The following SPMIP2 variants were observed in gnomAD, a reference collection of about 807,000 sequenced individuals.
SPMIP2 encodes sperm microtubule inner protein 2.
chr4:159,014,574 A>T, the SPMIP2 span, among the ~76,000 whole-genome samples: 2 of 152,188 alleles, frequency 1.3e-5, no homozygotes, highest in Non-Finnish European at 2.9e-5. Context: ...GGTTAGTTAC[A>T]TATGTATACA....
the SPMIP2 span, among the ~76,000 whole-genome samples, chr4:159,042,505 G>A: frequency 6.6e-6 from 1 of 152,200 alleles, no homozygotes; most frequent in Non-Finnish European, 1.5e-5. Context: ...TCAACGAGAA[G>A]GGAAACAAGT....
chr4:158,996,950 G>C, the SPMIP2 span, among the ~76,000 whole-genome samples: 2 of 152,270 alleles, frequency 1.3e-5, no homozygotes, highest in East Asian at 3.9e-4. Context: ...AGTCATGTGA[G>C]GTCAGGGTAG....
At chr4:159,000,133 G>C in the SPMIP2 span, among the ~76,000 whole-genome samples, 2 of 151,952 alleles carry the variant, frequency 1.3e-5, no homozygotes, top group Non-Finnish European at 2.9e-5. Flanking sequence ...ACATGAACAG[G>C]GTTGTCAGAT....
At chr4:159,019,290 C>T in the SPMIP2 span, among the ~76,000 whole-genome samples, 1 of 65,874 alleles carries the variant, frequency 1.5e-5, no homozygotes, top group Non-Finnish European at 2.8e-5. Flanking sequence ...TTTTGAGACT[C>T]CGTCTCAAAA....
the SPMIP2 span, chr4:159,064,334 A>G: frequency 1.3e-5 from 2 of 152,212 alleles, no homozygotes; most frequent in African/African-American, 2.4e-5. Context: ...AAGAGGAGAA[A>G]GAGTAGAACA....
chr4:158,962,740 C>T, the SPMIP2 span, among the ~76,000 whole-genome samples: 30 of 152,078 alleles, frequency 2.0e-4, no homozygotes, highest in Non-Finnish European at 2.8e-4. Flanking sequence ...ACATAAAGGC[C>T]TTTGCATGAA....
chr4:158,971,447 G>T, the SPMIP2 span, among the ~76,000 whole-genome samples: 1 of 152,152 alleles, frequency 6.6e-6, no homozygotes, highest in Admixed American at 6.5e-5. Flanking sequence ...GGAATATGCT[G>T]TAAGAGACGT....
chr4:158,937,069 C>T, the SPMIP2 span, among the ~76,000 whole-genome samples: 4 of 152,186 alleles, frequency 2.6e-5, no homozygotes, highest in East Asian at 3.8e-4. Context: ...CCGTTTTAGA[C>T]GTATCATCAT....
chr4:158,953,303 G>T, the SPMIP2 span, among the ~76,000 whole-genome samples: 1 of 152,214 alleles, frequency 6.6e-6, no homozygotes. Flanking sequence ...ATGGCTGAAA[G>T]GGGCCAACAT....
chr4:158,920,837 G>A, the SPMIP2 span, among the ~76,000 whole-genome samples: 1 of 152,216 alleles, frequency 6.6e-6, no homozygotes, highest in African/African-American at 2.4e-5. Flanking sequence ...TCTTTGTTCT[G>A]CTTTTTGCCC....
the SPMIP2 span, among the ~76,000 whole-genome samples, chr4:158,966,684 G>T: frequency 3.3e-5 from 5 of 152,154 alleles, no homozygotes; most frequent in Admixed American, 3.3e-4. Context: ...ACATACTCCA[G>T]ATATTGTGTC....
the SPMIP2 span, among the ~76,000 whole-genome samples, chr4:159,016,171 T>C: frequency 6.6e-6 from 1 of 152,238 alleles, no homozygotes; most frequent in African/African-American, 2.4e-5. Context: ...ATCTGTTAAA[T>C]TTTCCTGTTC....
At chr4:158,968,804 A>G in the SPMIP2 span, among the ~76,000 whole-genome samples, 1 of 152,218 alleles carries the variant, frequency 6.6e-6, no homozygotes, top group Non-Finnish European at 1.5e-5. Context: ...CCAATCTTAT[A>G]TCAGTTTATT....
chr4:159,034,479 C>CT, the SPMIP2 span, among the ~76,000 whole-genome samples: 1 of 152,184 alleles, frequency 6.6e-6, no homozygotes, highest in African/African-American at 2.4e-5. Flanking sequence ...TTCAAATATT[C>CT]CTTTGTGAAA....
chr4:158,987,835 A>C, the SPMIP2 span, among the ~76,000 whole-genome samples: 1 of 152,190 alleles, frequency 6.6e-6, no homozygotes, highest in Admixed American at 6.5e-5. Flanking sequence ...AATTAAAAGA[A>C]TTAGAGAAGC....
At chr4:158,956,489 G>C in the SPMIP2 span, among the ~76,000 whole-genome samples, 1 of 152,210 alleles carries the variant, frequency 6.6e-6, no homozygotes, top group Non-Finnish European at 1.5e-5. Context: ...CTTGAATCTG[G>C]GAGGCAGAGG....
the SPMIP2 span, among the ~76,000 whole-genome samples, chr4:158,944,190 G>C: frequency 6.6e-6 from 1 of 151,844 alleles, no homozygotes; most frequent in African/African-American, 2.4e-5. Context: ...CAAAAACCAT[G>C]GCATGTTTTG....
chr4:159,044,869 A>G, the SPMIP2 span, among the ~76,000 whole-genome samples: 9 of 152,224 alleles, frequency 5.9e-5, no homozygotes, highest in Non-Finnish European at 1.2e-4. Flanking sequence ...AGGTGGACGG[A>G]TCACCTGAGG....
the SPMIP2 span, among the ~76,000 whole-genome samples, chr4:158,916,404 G>A: frequency 1.3e-5 from 2 of 152,160 alleles, no homozygotes; most frequent in African/African-American, 4.8e-5. Context: ...AAGAGTGTGA[G>A]CCATTCTCCC....
Sources: gnomAD v4.1 joint callset for allele counts (sites outside exome capture counted in the v4.1 genomes callset) on GRCh38, gnomAD v4.1.1 for gene constraint, MANE v1.5 for transcripts, NCBI Gene and HGNC (gene_info 2026-07-23, HGNC 2026-07-21) for gene names.